Variants in DLG2 observed in about 807,000 individuals in gnomAD.
DLG2 encodes the protein disks large homolog 2.
In DLG2, 45 loss-of-function variants were observed where a neutral mutation model predicts 132.5. The observed-to-expected ratio is 0.34, with a 90% confidence interval of 0.27 to 0.44. DLG2 has a LOEUF of 0.44. Ranked by LOEUF, DLG2 falls within the 20% of genes least tolerant of loss-of-function variation. The pLI is 1.00. For synonymous variants in DLG2, 424 were observed against 419.6 expected (o/e 1.01, Z -0.13); for missense variants, 1,045 against 1,196.9 (o/e 0.87, Z 1.87).
chr11:85,071,437 T>C (rs1478089172), intron 6 of DLG2, among the ~76,000 whole-genome samples: 2 of 151,824 alleles, frequency 1.3e-5, no homozygotes, highest in Non-Finnish European at 1.5e-5. Context: ...ATGTGATGTG[T>C]AGAAAAACTA....
chr11:84,774,267 CA>C (rs971111330), intron 6 of DLG2, among the ~76,000 whole-genome samples: 2 of 151,522 alleles, frequency 1.3e-5, no homozygotes, highest in African/African-American at 4.8e-5. Flanking sequence ...CAAAATACTG[CA>C]AAAAAATAAA....
chr11:85,368,870 G>A (rs1454144385), intron 3 of DLG2, among the ~76,000 whole-genome samples: 1 of 152,216 alleles, frequency 6.6e-6, no homozygotes, highest in Non-Finnish European at 1.5e-5. Flanking sequence ...GCAGAGAGGA[G>A]ACTGACCCCT....
At chr11:84,526,270 T>C (rs1323550503) in intron 7 of DLG2, among the ~76,000 whole-genome samples, 2 of 152,216 alleles carry the variant, frequency 1.3e-5, no homozygotes, top group Non-Finnish European at 1.5e-5. Context: ...TAAGCACTCA[T>C]TCATACCTTT....
intron 4 of DLG2, among the ~76,000 whole-genome samples, chr11:85,164,336 A>G (rs766582761): frequency 6.6e-5 from 10 of 152,086 alleles, no homozygotes; most frequent in South Asian, 6.2e-4. Flanking sequence ...GGTCTCCTAT[A>G]GTCATATTTT....
chr11:84,345,135 GAGAAAAGAA>G (rs2098533645), intron 7 of DLG2, among the ~76,000 whole-genome samples: 1 of 152,092 alleles, frequency 6.6e-6, no homozygotes, highest in South Asian at 2.1e-4. Context: ...ATGAAAATAA[GAGAAAAGAA>G]AGAAAAGAAA....
chr11:83,480,385 G>A (rs935023884), intron 22 of DLG2: 12 of 1,535,202 alleles, frequency 7.8e-6, no homozygotes, highest in African/African-American at 2.7e-5. Context: ...AGCTACTTTC[G>A]CTATCGCTGG....
intron 11 of DLG2, among the ~76,000 whole-genome samples, chr11:84,014,358 T>C (rs1396732152): frequency 1.3e-5 from 2 of 152,188 alleles, no homozygotes; most frequent in Non-Finnish European, 2.9e-5. Flanking sequence ...CTCATATTAC[T>C]TTCCCAATGT....
chr11:83,489,015 T>C (rs1446442876), intron 21 of DLG2, among the ~76,000 whole-genome samples: 1 of 151,988 alleles, frequency 6.6e-6, no homozygotes, highest in Non-Finnish European at 1.5e-5. Flanking sequence ...GTCTATAACA[T>C]TGCCTAATTA....
intron 7 of DLG2, among the ~76,000 whole-genome samples, chr11:84,261,634 G>A (rs1282510488): frequency 6.6e-6 from 1 of 152,184 alleles, no homozygotes; most frequent in Admixed American, 6.5e-5. Flanking sequence ...ATTGGTTCAT[G>A]TGTGATATTC....
At chr11:85,189,567 C>T (rs772234448) in intron 4 of DLG2, among the ~76,000 whole-genome samples, 1 of 152,112 alleles carries the variant, frequency 6.6e-6, no homozygotes, top group East Asian at 1.9e-4. Flanking sequence ...AGGAAGAGAT[C>T]AGTGGTTGTC....
intron 6 of DLG2, among the ~76,000 whole-genome samples, chr11:84,867,332 T>G (rs12786519): frequency 3.3e-5 from 5 of 152,274 alleles, no homozygotes; most frequent in Non-Finnish European, 7.3e-5. Context: ...AGTGGGAGTA[T>G]GGACTCCTTT....
chr11:85,263,938 G>A (rs1173876363), intron 4 of DLG2, among the ~76,000 whole-genome samples: 1 of 152,188 alleles, frequency 6.6e-6, no homozygotes, highest in African/African-American at 2.4e-5. Context: ...GGAAACAACA[G>A]GCATCACAGC....
chr11:83,657,878 C>T (rs1413440547), intron 18 of DLG2, among the ~76,000 whole-genome samples: 1 of 152,182 alleles, frequency 6.6e-6, no homozygotes. Flanking sequence ...GCTACCAAAG[C>T]ATTGGGCCAA....
intron 3 of DLG2, among the ~76,000 whole-genome samples, chr11:85,450,706 G>A (rs927664858): frequency 2.0e-5 from 3 of 152,012 alleles, no homozygotes; most frequent in Admixed American, 2.0e-4. Flanking sequence ...TCATTACATT[G>A]AAACTATTCG....
chr11:84,800,530 GA>G (rs1214762208), intron 6 of DLG2: 1 of 152,150 alleles, frequency 6.6e-6, no homozygotes, highest in Non-Finnish European at 1.5e-5. Flanking sequence ...TTGTTTTGCA[GA>G]TAAGGATGCT....
At chr11:84,882,008 G>T (rs979765618) in intron 6 of DLG2, among the ~76,000 whole-genome samples, 5 of 152,020 alleles carry the variant, frequency 3.3e-5, no homozygotes, top group African/African-American at 1.2e-4. Context: ...ATTGATTTGT[G>T]GCTATTGTTC....
At chr11:83,948,287 G>A (rs914749789) in intron 14 of DLG2, among the ~76,000 whole-genome samples, 5 of 152,096 alleles carry the variant, frequency 3.3e-5, no homozygotes, top group Admixed American at 3.3e-4. Flanking sequence ...TTTTTTTAAA[G>A]AAAACCTAGG....
intron 6 of DLG2, among the ~76,000 whole-genome samples, chr11:84,537,189 C>T (rs970014057): frequency 8.5e-5 from 13 of 152,170 alleles, no homozygotes; most frequent in African/African-American, 3.1e-4. Context: ...TCACTGCAAC[C>T]TCTGCTTCCC....
At chr11:84,358,085 T>G (rs990489270) in intron 7 of DLG2, among the ~76,000 whole-genome samples, 2 of 152,086 alleles carry the variant, frequency 1.3e-5, no homozygotes, top group Non-Finnish European at 2.9e-5. Context: ...CTGCTCCGTA[T>G]AGTATCTCAT....
Sources: allele counts gnomAD v4.1 joint callset (sites outside exome capture counted in the v4.1 genomes callset), GRCh38; gene constraint gnomAD v4.1.1; transcripts MANE v1.5; gene names NCBI Gene and HGNC (gene_info 2026-07-23, HGNC 2026-07-21).